The following KLHL32 variants were observed in gnomAD, a reference collection of about 807,000 sequenced individuals.
KLHL32 encodes kelch like family member 32, also known as kelch-like protein 32.
A neutral mutation model predicts 64.8 loss-of-function variants in KLHL32; 35 were observed. The ratio of observed to expected loss-of-function variants is 0.54; its 90% confidence interval spans 0.41 to 0.72. KLHL32 has a LOEUF of 0.72. KLHL32 is among the 30% of genes least tolerant of loss of function. KLHL32 has a pLI of 0.00. For synonymous variants in KLHL32, 259 were observed against 281.0 expected (o/e 0.92, Z 0.78); for missense variants, 589 against 768.5 (o/e 0.77, Z 2.76).
At chr6:96,916,121 A>G in the KLHL32 span, among the ~76,000 whole-genome samples, 4 of 151,726 alleles carry the variant, frequency 2.6e-5, no homozygotes, top group African/African-American at 7.3e-5. Context: ...ATAGACAAAA[A>G]AGTAGAGAGA....
At chr6:97,078,799 C>T (rs1035397109) in intron 5 of KLHL32, among the ~76,000 whole-genome samples, 9 of 152,194 alleles carry the variant, frequency 5.9e-5, no homozygotes, top group African/African-American at 2.2e-4. Flanking sequence ...TGTAGACTAA[C>T]TCCATTATCT....
intron 3 of KLHL32, among the ~76,000 whole-genome samples, chr6:97,021,313 A>G (rs1375546639): frequency 6.6e-6 from 1 of 150,984 alleles, no homozygotes; most frequent in East Asian, 1.9e-4. Context: ...TTTTTCAACA[A>G]TGGTGTAGTT....
chr6:96,917,304 C>T, the KLHL32 span, among the ~76,000 whole-genome samples: 1 of 152,212 alleles, frequency 6.6e-6, no homozygotes, highest in Admixed American at 6.5e-5. Flanking sequence ...TTTCCATCCT[C>T]CCTGATCTCT....
chr6:97,062,590 A>T (rs994334267), intron 4 of KLHL32: 4 of 152,228 alleles, frequency 2.6e-5, no homozygotes, highest in African/African-American at 9.6e-5. Context: ...TTTCTTATAA[A>T]ATTAGTTAAA....
At chr6:96,934,462 A>AAC (rs1770328511) in intron 1 of KLHL32, among the ~76,000 whole-genome samples, 1 of 151,622 alleles carries the variant, frequency 6.6e-6, no homozygotes, top group African/African-American at 2.4e-5. Context: ...ACAACAACAA[A>AAC]AAAATAGCAA....
chr6:96,957,686 G>A (rs1773427154), intron 1 of KLHL32, among the ~76,000 whole-genome samples: 1 of 152,046 alleles, frequency 6.6e-6, no homozygotes, highest in African/African-American at 2.4e-5. Flanking sequence ...AGGAGTGATG[G>A]AGCTAAAAAT....
chr6:97,077,573 G>A (rs111560971), intron 5 of KLHL32, among the ~76,000 whole-genome samples: 153 of 152,146 alleles, frequency 1.0e-3, no homozygotes, highest in African/African-American at 3.6e-3. Flanking sequence ...ACCACAAGAG[G>A]GCATTCCATT....
chr6:97,020,097 C>T (rs577452009), intron 3 of KLHL32, among the ~76,000 whole-genome samples: 31 of 152,066 alleles, frequency 2.0e-4, no homozygotes, highest in African/African-American at 6.3e-4. Context: ...TGCCAGCCAC[C>T]GTGCCAGGCT....
At chr6:97,032,718 A>G (rs1195452939) in intron 3 of KLHL32, among the ~76,000 whole-genome samples, 4 of 152,226 alleles carry the variant, frequency 2.6e-5, no homozygotes, top group African/African-American at 7.2e-5. Flanking sequence ...GGGGAATGTT[A>G]AAAACTTAAC....
intron 1 of KLHL32, among the ~76,000 whole-genome samples, chr6:96,940,898 G>A (rs540524747): frequency 6.6e-6 from 1 of 152,316 alleles, no homozygotes; most frequent in African/African-American, 2.4e-5. Context: ...TGTGATGTAG[G>A]CATAAGGTAA....
At chr6:96,921,563 A>G (rs1230717460), upstream of KLHL32, among the ~76,000 whole-genome samples, 1 of 152,236 alleles carries the variant, frequency 6.6e-6, no homozygotes, top group Non-Finnish European at 1.5e-5. Flanking sequence ...TGAGTAGTAC[A>G]GTAATTAGAA....
intron 3 of KLHL32, among the ~76,000 whole-genome samples, chr6:96,977,516 A>G (rs1056268965): frequency 6.6e-6 from 1 of 152,186 alleles, no homozygotes; most frequent in African/African-American, 2.4e-5. Flanking sequence ...TACTTTTGGA[A>G]CATAATGGTA....
In KLHL32 at chr6:97,007,347, AT is replaced by A. The variant is rs533672107; in HGVS notation, c.204+31173del. ...GTGAGCTTTTCAGCTTTACCAGATC[AT>A]TTCTTAAAGTGGCCATTTCATCTTT... On this transcript the variant is annotated intron_variant, in intron 3 of 10. Transcript: ENST00000369261. 5.3e-5 allele frequency among the ~76,000 whole-genome samples: 8 copies of A among 152,062 alleles called. No individual in the cohort carries two copies. The East Asian group carries it at 1.5e-3, about 29-fold the overall frequency.
intron 3 of KLHL32, among the ~76,000 whole-genome samples, chr6:97,004,127 C>T (rs1018537914): frequency 3.9e-5 from 6 of 151,974 alleles, no homozygotes; most frequent in African/African-American, 1.5e-4. Context: ...AATGTTTTTC[C>T]ATTTGTTTGT....
chr6:96,909,826 C>G, the KLHL32 span, among the ~76,000 whole-genome samples: 1 of 152,166 alleles, frequency 6.6e-6, no homozygotes, highest in African/African-American at 2.4e-5. Flanking sequence ...GTGATTTGAA[C>G]ACATTAAAAA....
intron 3 of KLHL32, among the ~76,000 whole-genome samples, chr6:97,019,261 C>A (rs568081850): frequency 4.6e-4 from 70 of 152,220 alleles, no homozygotes; most frequent in Middle Eastern, 3.4e-3. Flanking sequence ...TTGCAATTTG[C>A]GTTCCTTGGG....
chr6:96,934,515 G>A (rs1004518370), intron 1 of KLHL32, among the ~76,000 whole-genome samples: 2 of 152,204 alleles, frequency 1.3e-5, no homozygotes, highest in Non-Finnish European at 2.9e-5. Context: ...ATACTCAGTG[G>A]ACATTTAAAC....
chr6:97,072,404 G>C (rs1790888310), intron 5 of KLHL32, among the ~76,000 whole-genome samples: 1 of 151,966 alleles, frequency 6.6e-6, no homozygotes, highest in South Asian at 2.1e-4. Context: ...AATTCTGTTT[G>C]ATTGATTTTT....
chr6:96,992,879 C>A (rs1330436230), intron 3 of KLHL32, among the ~76,000 whole-genome samples: 1 of 152,238 alleles, frequency 6.6e-6, no homozygotes, highest in Non-Finnish European at 1.5e-5. Context: ...TTTCACACAT[C>A]TGTCTCCCTC....
Sources: gnomAD v4.1 joint callset for allele counts (sites outside exome capture counted in the v4.1 genomes callset) on GRCh38, gnomAD v4.1.1 for gene constraint, MANE v1.5 for transcripts, NCBI Gene and HGNC (gene_info 2026-07-23, HGNC 2026-07-21) for gene names.